DCC: variants seen among roughly 807,000 people sequenced by gnomAD.
DCC encodes the protein netrin receptor DCC.
DCC carries 58 observed loss-of-function variants against 172.5 expected under a neutral mutation model. That is an observed-to-expected ratio of 0.34 (90% CI 0.27 to 0.42). The LOEUF (loss-of-function observed/expected upper bound fraction) is 0.42, where lower values mean the gene tolerates loss of function less well. Ranked by LOEUF, DCC falls within the 10% of genes least tolerant of loss-of-function variation. DCC has a pLI of 1.00. For missense variants in DCC, 1,740 were observed against 1,791.0 expected (o/e 0.97, Z 0.51); for synonymous variants, 709 against 644.5 (o/e 1.10, Z -1.52).
intron 27 of DCC, among the ~76,000 whole-genome samples, chr18:53,525,540 G>A (rs1033418641): frequency 6.6e-6 from 1 of 152,048 alleles, no homozygotes; most frequent in African/African-American, 2.4e-5. Context: ...CCAGCACCTA[G>A]CAGATTGCTG....
chr18:52,874,853 A>G (rs1304392798), intron 2 of DCC, among the ~76,000 whole-genome samples: 1 of 152,060 alleles, frequency 6.6e-6, no homozygotes, highest in African/African-American at 2.4e-5. Context: ...AGAAGACAGG[A>G]GTGAAGGGGA....
chr18:53,457,626 C>G (rs988100081), intron 23 of DCC, among the ~76,000 whole-genome samples: 13 of 152,100 alleles, frequency 8.5e-5, no homozygotes, highest in African/African-American at 2.9e-4. Flanking sequence ...ACACAGGGAG[C>G]TGTGTGTGAG....
At chr18:52,513,947 G>A (rs1484895319) in intron 1 of DCC, among the ~76,000 whole-genome samples, 1 of 152,154 alleles carries the variant, frequency 6.6e-6, no homozygotes, top group Non-Finnish European at 1.5e-5. Flanking sequence ...CACCTTCACA[G>A]TCTATAGGTA....
intron 21 of DCC, among the ~76,000 whole-genome samples, chr18:53,434,069 G>T (rs2098790645): frequency 6.6e-6 from 1 of 152,034 alleles, no homozygotes; most frequent in South Asian, 2.1e-4. Flanking sequence ...CTTTAGTAAG[G>T]GTAGTGTTTG....
At chr18:53,521,412 G>T (rs894277201) in intron 27 of DCC, among the ~76,000 whole-genome samples, 1 of 152,098 alleles carries the variant, frequency 6.6e-6, no homozygotes, top group Non-Finnish European at 1.5e-5. Context: ...TAAGTGTTTG[G>T]AATTCTGGGA....
intron 7 of DCC, among the ~76,000 whole-genome samples, chr18:53,083,092 A>C (rs1180286333): frequency 6.6e-6 from 1 of 152,080 alleles, no homozygotes; most frequent in Non-Finnish European, 1.5e-5. Flanking sequence ...AAACAAAAAA[A>C]CAACATAATC....
At chr18:52,693,922 T>A (rs1455530734) in intron 1 of DCC, among the ~76,000 whole-genome samples, 1 of 152,138 alleles carries the variant, frequency 6.6e-6, no homozygotes, top group Non-Finnish European at 1.5e-5. Context: ...AAATCTTTCT[T>A]ATAGATATAT....
chr18:53,209,518 G>A (rs937719775), intron 11 of DCC, among the ~76,000 whole-genome samples: 1 of 152,096 alleles, frequency 6.6e-6, no homozygotes, highest in Non-Finnish European at 1.5e-5. Flanking sequence ...GAAAGTACCT[G>A]GGTGTACATT....
At chr18:53,312,990 G>GGGGGA (rs2057296215) in intron 13 of DCC, among the ~76,000 whole-genome samples, 1 of 112,994 alleles carries the variant, frequency 8.9e-6, no homozygotes, top group Admixed American at 1.0e-4. Flanking sequence ...GAGGAGGGAG[G>GGGGGA]GAGGAGGGAG....
chr18:53,162,530 C>G (rs4940243), intron 8 of DCC, among the ~76,000 whole-genome samples: 61,340 of 151,866 alleles, frequency 0.4, 13,318 homozygotes, highest in East Asian at 0.71. Context: ...ATTAACAGAA[C>G]TCCTTGCCTT....
intron 2 of DCC, among the ~76,000 whole-genome samples, chr18:52,829,183 A>G (rs923516966): frequency 6.6e-6 from 1 of 152,194 alleles, no homozygotes; most frequent in African/African-American, 2.4e-5. Flanking sequence ...GAAACATAAC[A>G]TTACATTTGA....
chr18:53,308,089 G>A (rs534113215), intron 13 of DCC, among the ~76,000 whole-genome samples: 2 of 151,022 alleles, frequency 1.3e-5, no homozygotes, highest in East Asian at 3.9e-4. Context: ...AAAGTTTTTA[G>A]CTAGATGCAT....
At chr18:52,597,554 G>C (rs996464302) in intron 1 of DCC, among the ~76,000 whole-genome samples, 6 of 152,168 alleles carry the variant, frequency 3.9e-5, no homozygotes, top group African/African-American at 1.4e-4. Flanking sequence ...GCCAAAACTG[G>C]TCTAGAATTT....
intron 5 of DCC, among the ~76,000 whole-genome samples, chr18:53,013,379 T>A (rs906358804): frequency 6.6e-6 from 1 of 151,194 alleles, no homozygotes; most frequent in Admixed American, 6.6e-5. Context: ...AAAAAATGAG[T>A]TCATGTCCTT....
intron 26 of DCC, among the ~76,000 whole-genome samples, chr18:53,498,956 G>A (rs1045604484): frequency 6.6e-6 from 1 of 152,152 alleles, no homozygotes; most frequent in African/African-American, 2.4e-5. Flanking sequence ...CACTGACATT[G>A]CTACTTATGA....
At chr18:52,842,646 C>A (rs1450590622) in intron 2 of DCC, among the ~76,000 whole-genome samples, 1 of 152,160 alleles carries the variant, frequency 6.6e-6, no homozygotes, top group Non-Finnish European at 1.5e-5. Flanking sequence ...ATAAAATTAA[C>A]CATCACTCTT....
At chr18:53,513,844 A>G (rs908119460) in intron 27 of DCC, among the ~76,000 whole-genome samples, 9 of 149,818 alleles carry the variant, frequency 6.0e-5, no homozygotes, top group African/African-American at 2.3e-4. Context: ...AGCGACTTAG[A>G]CTCCCACACA....
intron 21 of DCC, among the ~76,000 whole-genome samples, chr18:53,434,612 C>G (rs1455995535): frequency 6.6e-6 from 1 of 152,108 alleles, no homozygotes; most frequent in Non-Finnish European, 1.5e-5. Flanking sequence ...GTGACATAAC[C>G]TCCACTCTTA....
chr18:52,648,634 T>G (rs1234924360), intron 1 of DCC, among the ~76,000 whole-genome samples: 1 of 152,234 alleles, frequency 6.6e-6, no homozygotes, highest in Non-Finnish European at 1.5e-5. Flanking sequence ...AAGCGTCTTT[T>G]CACACACATG....
Sources: allele counts gnomAD v4.1 joint callset (sites outside exome capture counted in the v4.1 genomes callset), GRCh38; gene constraint gnomAD v4.1.1; transcripts MANE v1.5; gene names NCBI Gene and HGNC (gene_info 2026-07-23, HGNC 2026-07-21).